TSBP1: variants seen among roughly 807,000 people sequenced by gnomAD.
TSBP1 encodes the protein testis-expressed basic protein 1.
Under a neutral mutation model 68.8 loss-of-function variants are expected in TSBP1, and 56 were observed. The ratio of observed to expected loss-of-function variants is 0.81; its 90% CI spans 0.66 to 1.02. The LOEUF is 1.02. Among genes scored for constraint, TSBP1 ranks in the 50% least tolerant of loss-of-function variants. TSBP1 has a pLI of 0.00. For missense variants in TSBP1, 502 were observed against 641.2 expected, an observed-to-expected ratio of 0.78 and a Z score of 2.34; for synonymous variants, 171 against 208.7, an observed-to-expected ratio of 0.82 and a Z score of 1.56.
At chr6:32,330,094 A>G (rs954639185) in intron 16 of TSBP1, among the ~76,000 whole-genome samples, 12 of 152,234 alleles carry the variant, frequency 7.9e-5, no homozygotes, top group Non-Finnish European at 1.8e-4. Flanking sequence ...CGGATAGGAC[A>G]TGAGGAAAGA....
At chr6:32,349,858 G>A (rs2076537) in intron 8 of TSBP1, 98 bp from the exon 9 acceptor site, 519,481 of 1,347,764 alleles carry the variant, frequency 0.39, 103,886 homozygotes, top group African/African-American at 0.55. Flanking sequence ...GTGGAAAAGA[G>A]GATAGAAATG....
At chr6:32,308,611 AAAAAAT>A (rs202167756) in intron 19 of TSBP1, among the ~76,000 whole-genome samples, 26,427 of 147,366 alleles carry the variant, frequency 0.18, 2,588 homozygotes, top group Non-Finnish European at 0.2. Context: ...AAAAAAAAAA[AAAAAAT>A]TTTGCTTTTT....
At chr6:32,342,479 A>C (rs1023069056) in intron 9 of TSBP1, among the ~76,000 whole-genome samples, 266 of 152,186 alleles carry the variant, frequency 1.7e-3, no homozygotes, top group Non-Finnish European at 1.9e-3. Flanking sequence ...TATTTGATTA[A>C]TTTTCAACTG....
rs900272140 is a variant in TSBP1, at chr6:32,337,707, C to A, written c.410-1072G>T. Among the ~76,000 whole-genome samples, 1 of 151,900 alleles carries A rather than the reference C, an allele frequency of 6.6e-6. No individual in the cohort carries two copies. Among genetic ancestry groups the A allele is most frequent in the African/African-American group, 2.4e-5 (1 of 41,306 alleles). On this transcript the variant is annotated intron_variant, in intron 11 of 22. Transcript: ENST00000612031. The surrounding 1 kb of genome is among the most constrained non-coding windows in gnomAD (Gnocchi z 5.5). ...ATACACACACACACACCCCACCACA[C>A]CTCTCTACACCTCATAGGCTATAAG...
intron 8 of TSBP1, 200 bp from the exon 9 acceptor site, chr6:32,349,960 G>A: frequency 1.3e-6 from 1 of 765,896 alleles, no homozygotes; most frequent in Admixed American, 1.7e-5. Context: ...GTGGTAAGGT[G>A]GGACTACAAG....
chr6:32,336,632 T>G lies in TSBP1; in HGVS notation c.413A>C (p.Gln138Pro), dbSNP rs1317376956. ...ATACTTACGAATAGGGGCTGTGAAT[T>G]GCACTGAAATACAAAAAGGAGGAAA... is the stretch of plus-strand genomic sequence containing the variant. The change falls in exon 12 of 23, where the codon CAA becomes CCA. Residue 138 changes from glutamine (Q) to proline (P), a missense_variant. By Grantham distance (76) the Gln-to-Pro change is moderately conservative. Transcript: ENST00000612031. This position sits in a 1 kb window ranked among gnomAD's most constrained non-coding sequence, Gnocchi z 5.2. 1.9e-6 allele frequency: 3 copies of G among 1,612,200 alleles called. No homozygotes were observed. Among genetic ancestry groups the G allele is most frequent in the Non-Finnish European group, 2.5e-6 (3 of 1,179,398 alleles).
rs751972109 is a variant in TSBP1, at chr6:32,357,367, TCTGA to T, written c.218-1702_218-1699del. Among the ~76,000 whole-genome samples, 2 of 152,216 alleles carry T rather than the reference TCTGA, an allele frequency of 1.3e-5. No homozygotes were observed. Among genetic ancestry groups the T allele is most frequent in the Admixed American group, 6.5e-5 (1 of 15,284 alleles). ...TACTAAATTACATAAGAATAAACTC[TCTGA>T]CTGCCTAAAATTTGGAATTAGACAA... is the stretch of plus-strand genomic sequence containing the variant. On this transcript the variant is annotated intron_variant, in intron 6 of 22. Coordinates refer to ENST00000612031, the Ensembl canonical transcript of TSBP1. The surrounding 1 kb of genome is among the most constrained non-coding windows in gnomAD (Gnocchi z 4.7).
intron 6 of TSBP1, among the ~76,000 whole-genome samples, chr6:32,360,766 T>G (rs1416206342): frequency 6.6e-6 from 1 of 152,196 alleles, no homozygotes; most frequent in South Asian, 2.1e-4. Context: ...ATTTCCTTGA[T>G]GATTAGTGAT....
chr6:32,369,373 A>ATTTTTTTTT (rs9281761), intron 2 of TSBP1, among the ~76,000 whole-genome samples: 3 of 127,018 alleles, frequency 2.4e-5, no homozygotes, highest in Non-Finnish European at 3.2e-5. Flanking sequence ...AAACTCTGTG[A>ATTTTTTTTT]TTTTTTTTTT....
intron 16 of TSBP1, 75 bp from the exon 18 acceptor site, chr6:32,323,689 C>T: frequency 6.7e-6 from 9 of 1,346,292 alleles, no homozygotes; most frequent in Non-Finnish European, 7.4e-6. Context: ...AGAGTTTCTT[C>T]TTGGTAGGTC....
intron 19 of TSBP1, among the ~76,000 whole-genome samples, chr6:32,310,746 T>TAC (rs745310067): frequency 0.013 from 1,566 of 125,084 alleles, 23 homozygotes; most frequent in South Asian, 0.043. Context: ...TATATATACA[T>TAC]ATATATATAT....
chr6:32,293,594 A>G, exon 23 of TSBP1: 1 of 1,612,774 alleles, frequency 6.2e-7, no homozygotes, highest in Non-Finnish European at 8.5e-7. Context: ...TCCTTTCAGT[A>G]CAACCAACCC....
chr6:32,354,838 A>G (rs1369844199), intron 8 of TSBP1, among the ~76,000 whole-genome samples: 1 of 152,106 alleles, frequency 6.6e-6, no homozygotes, highest in Non-Finnish European at 1.5e-5. Context: ...AAAAGATACT[A>G]TATTTTGTTC....
chr6:32,335,850 G>C lies in TSBP1; in HGVS notation c.451+62C>G, dbSNP rs189058075. 122 of 1,320,172 alleles carry C rather than the reference G, an allele frequency of 9.2e-5. No individual in the cohort carries two copies. The African/African-American group carries it at 1.7e-3, about 18-fold the overall frequency. 81.8% of individuals were successfully genotyped at this position (1,320,172 alleles called of 1,614,324 possible). A position where few individuals can be genotyped will look rare whatever the true frequency, so the allele number is the denominator to read the frequency against. ...AATCCCAACATGGAAACCAGGTAGC[G>C]ATCCCTAAGATACTGCAGGAAAGTA... On this transcript the variant is annotated intron_variant, in intron 13 of 22. Transcript: ENST00000612031. The surrounding 1 kb of genome is among the most constrained non-coding windows in gnomAD (Gnocchi z 5.5).
chr6:32,307,481 G>C (rs940976976), intron 19 of TSBP1, among the ~76,000 whole-genome samples: 2 of 152,010 alleles, frequency 1.3e-5, no homozygotes, highest in African/African-American at 4.8e-5. Context: ...TGAAGGAATT[G>C]GTGGTCAAGG....
chr6:32,293,123 C>T (rs767272086), exon 23 of TSBP1: 1 of 1,598,084 alleles, frequency 6.3e-7, no homozygotes, highest in South Asian at 1.1e-5. Flanking sequence ...GTTTTTGTCA[C>T]CTTTTTCTTT....
At chr6:32,294,414 A>T (rs1409559401) in intron 22 of TSBP1, among the ~76,000 whole-genome samples, 49 of 152,244 alleles carry the variant, frequency 3.2e-4, no homozygotes, top group Admixed American at 3.2e-3. Flanking sequence ...CTCAAGACAG[A>T]AAAAGGAAAC....
At chr6:32,300,598 G>A (rs923637947) in intron 21 of TSBP1, 82 bp downstream of exon 24, 12 of 1,235,506 alleles carry the variant, frequency 9.7e-6, no homozygotes, top group South Asian at 4.8e-5. Flanking sequence ...AGAGGAACTC[G>A]TAACACAAGA....
intron 15 of TSBP1, 93 bp from the exon 17 acceptor site, chr6:32,330,702 A>T: frequency 2.1e-6 from 3 of 1,417,032 alleles, no homozygotes; most frequent in Non-Finnish European, 2.8e-6. Flanking sequence ...AGAGTCTCTC[A>T]CTCTGTCGCC....
Sources: allele counts gnomAD v4.1 joint callset (sites outside exome capture counted in the v4.1 genomes callset), GRCh38; gene constraint gnomAD v4.1.1; non-coding constraint Gnocchi (gnomAD v3.1); transcripts MANE v1.5; gene names NCBI Gene and HGNC (gene_info 2026-07-23, HGNC 2026-07-21).